CDHR2: variants seen among roughly 807,000 people sequenced by gnomAD.
The protein encoded by CDHR2 is cadherin-related family member 2.
Under a neutral mutation model 138.6 loss-of-function variants are expected in CDHR2, and 104 were observed. That is an observed-to-expected ratio of 0.75 (90% CI 0.64 to 0.88). CDHR2 has a LOEUF of 0.88. CDHR2 is among the 40% of genes least tolerant of loss of function. The pLI is 0.00. For synonymous variants in CDHR2, 755 were observed against 742.8 expected, an observed-to-expected ratio of 1.02 and a Z score of -0.27; for missense variants, 1,624 against 1,727.6, an observed-to-expected ratio of 0.94 and a Z score of 1.06.
intron 5 of CDHR2, 93 bp from the exon 6 acceptor site, chr5:176,571,120 G>T: frequency 1.4e-6 from 1 of 726,012 alleles, no homozygotes; most frequent in Non-Finnish European, 2.4e-6. Flanking sequence ...GGTTGATCTG[G>T]ATGAAGGACA....
In CDHR2 at chr5:176,557,686, T is replaced by TC. The variant is rs1561866723; in HGVS notation, c.-15-7652_-15-7651insC. ...GCTAAGTCATTATCTGTTGATTTTT[T>TC]TTTCTTTCTTTCTTTCTTTCTTTCT... is the stretch of plus-strand genomic sequence containing the variant. On this transcript the variant is annotated intron_variant, in intron 1 of 31. Transcript: ENST00000261944. 3.9e-4 allele frequency among the ~76,000 whole-genome samples: 53 copies of TC among 137,002 alleles called. 2 individuals are homozygous for TC. The highest frequency in any genetic ancestry group is 1.4e-3 in the African/African-American group (50 of 36,148). The allele number at this position is 137,002 out of a possible 152,430, so 89.9% of individuals were successfully genotyped here.
chr5:176,563,295 C>A (rs1758008287), intron 1 of CDHR2, among the ~76,000 whole-genome samples: 1 of 152,084 alleles, frequency 6.6e-6, no homozygotes, highest in African/African-American at 2.4e-5. Flanking sequence ...TTGCAGTGAG[C>A]CGAGATGGCA....
At position 176,589,516 on chromosome 5, in the gene CDHR2, C is replaced by A; in HGVS notation, c.3118-12C>A. On this transcript the variant is annotated splice_polypyrimidine_tract_variant and intron_variant, in intron 23 of 31. Transcript: ENST00000261944. ...TCCCTGGTGCCTCATCTCCTGCACACCCCCTTCCCAGCTCTTCACCGTGGA... is the reference window on the plus strand; with the variant it reads ...TCCCTGGTGCCTCATCTCCTGCACAACCCCTTCCCAGCTCTTCACCGTGGA... 1 of 1,614,016 alleles carries A rather than the reference C, an allele frequency of 6.2e-7. No homozygotes were observed. Among genetic ancestry groups the A allele is most frequent in the East Asian group, 2.2e-5 (1 of 44,880 alleles).
intron 31 of CDHR2, among the ~76,000 whole-genome samples, chr5:176,595,314 TC>T (rs1561884842): frequency 6.6e-6 from 1 of 151,870 alleles, no homozygotes; most frequent in East Asian, 1.9e-4. Context: ...CAAGAGTGAA[TC>T]CCCCAGGCCA....
chr5:176,567,579 C>G (rs1371431734), intron 3 of CDHR2, among the ~76,000 whole-genome samples: 1 of 152,178 alleles, frequency 6.6e-6, no homozygotes, highest in Non-Finnish European at 1.5e-5. Context: ...GCAACCTTCA[C>G]CTCCCGGGTT....
chr5:176,580,384 C>T (rs1325699953), intron 16 of CDHR2, among the ~76,000 whole-genome samples: 1 of 149,804 alleles, frequency 6.7e-6, no homozygotes, highest in Non-Finnish European at 1.5e-5. Context: ...CAAAAATTAG[C>T]TGGGTGTGGT....
At chr5:176,564,479 C>T (rs4272145) in intron 1 of CDHR2, among the ~76,000 whole-genome samples, 43,747 of 152,194 alleles carry the variant, frequency 0.29, 6,314 homozygotes, top group East Asian at 0.32. Flanking sequence ...TGAGCCACCA[C>T]GCCCAGCCTT....
At chr5:176,560,655 C>A (rs1315820970) in intron 1 of CDHR2, among the ~76,000 whole-genome samples, 1 of 152,242 alleles carries the variant, frequency 6.6e-6, no homozygotes, top group African/African-American at 2.4e-5. Flanking sequence ...CATTCAGAAC[C>A]TGCACTGTTT....
At chr5:176,554,936 G>A (rs539670815) in intron 1 of CDHR2, among the ~76,000 whole-genome samples, 1 of 152,222 alleles carries the variant, frequency 6.6e-6, no homozygotes, top group East Asian at 1.9e-4. Flanking sequence ...TTACAGGTGT[G>A]AGCCACCACA....
intron 1 of CDHR2, among the ~76,000 whole-genome samples, chr5:176,552,770 G>A (rs1757736632): frequency 6.6e-6 from 1 of 152,240 alleles, no homozygotes; most frequent in African/African-American, 2.4e-5. Flanking sequence ...GCAGGGATGA[G>A]GCAAGAAAGA....
At chr5:176,555,051 G>A (rs1757791787) in intron 1 of CDHR2, among the ~76,000 whole-genome samples, 1 of 152,236 alleles carries the variant, frequency 6.6e-6, no homozygotes, top group South Asian at 2.1e-4. Context: ...TTGCTGTAAT[G>A]TTTAACGGTT....
upstream of CDHR2, among the ~76,000 whole-genome samples, chr5:176,546,147 G>A (rs997469670): frequency 1.2e-4 from 19 of 152,312 alleles, no homozygotes; most frequent in Admixed American, 6.5e-5. Context: ...TACTGGTTAA[G>A]CCACCAGCGA....
At chr5:176,592,826 C>A in intron 31 of CDHR2, 46 bp downstream of exon 31, 1 of 1,555,036 alleles carries the variant, frequency 6.4e-7, no homozygotes, top group Non-Finnish European at 8.9e-7. Context: ...AACTTGGGTT[C>A]TTCTGTGGAG....
At chr5:176,546,061 C>T (rs779221101), upstream of CDHR2, among the ~76,000 whole-genome samples, 5 of 152,342 alleles carry the variant, frequency 3.3e-5, no homozygotes, top group East Asian at 1.9e-4. Context: ...CACAGCAGAG[C>T]GACCAGGCTG....
rs371036927 is a variant in CDHR2, at chr5:176,568,660, C to T, written c.125-18C>T. 5.6e-6 allele frequency: 9 copies of T among 1,612,924 alleles called. No individual in the cohort carries two copies. The highest frequency in any genetic ancestry group is 5.3e-5 in the African/African-American group (4 of 75,054). On this transcript the variant is annotated intron_variant, in intron 3 of 31. Coordinates refer to ENST00000261944, the MANE Select transcript of CDHR2 (RefSeq NM_017675.6). ...AAGGGTGGCTGTGGACCCTGGGTGG[C>T]CCCTGTCCCATCCCCAGGTGCCCAG...
intron 20 of CDHR2, 131 bp from the exon 21 acceptor site, chr5:176,586,662 A>T: frequency 1.4e-6 from 1 of 735,216 alleles, no homozygotes; most frequent in Non-Finnish European, 2.3e-6. Context: ...TGGCTGTAAT[A>T]GGGGTCTCTT....
At chr5:176,549,152 T>G (rs1287754559), upstream of CDHR2, among the ~76,000 whole-genome samples, 4 of 152,170 alleles carry the variant, frequency 2.6e-5, no homozygotes, top group East Asian at 7.7e-4. Context: ...TCCTGTGGTG[T>G]GGGCCTCCAG....
chr5:176,552,143 G>A (rs1225749084), intron 1 of CDHR2, among the ~76,000 whole-genome samples: 4 of 152,308 alleles, frequency 2.6e-5, no homozygotes, highest in Admixed American at 2.0e-4. Context: ...GTGCCTGTCC[G>A]CAAGTCCCAG....
chr5:176,571,737 C>A (rs551306365), intron 6 of CDHR2, among the ~76,000 whole-genome samples: 5 of 152,110 alleles, frequency 3.3e-5, no homozygotes, highest in Admixed American at 6.5e-5. Flanking sequence ...GGGGTTTCAC[C>A]GTGTTAGCCA....
Sources: allele counts gnomAD v4.1 joint callset (sites outside exome capture counted in the v4.1 genomes callset), GRCh38; gene constraint gnomAD v4.1.1; transcripts MANE v1.5; gene names NCBI Gene and HGNC (gene_info 2026-07-23, HGNC 2026-07-21).